TTC28: variants seen among roughly 807,000 people sequenced by gnomAD.
TTC28 encodes the protein tetratricopeptide repeat protein 28.
Under a neutral mutation model 198.0 loss-of-function variants are expected in TTC28, and 61 were observed. That is an observed-to-expected ratio of 0.31 (90% CI 0.25 to 0.38). TTC28 has a LOEUF of 0.38. Ranked by LOEUF, TTC28 falls within the 10% of genes least tolerant of loss-of-function variation. The pLI is 1.00. For missense variants in TTC28, 2,678 were observed against 3,164.0 expected, an observed-to-expected ratio of 0.85 and a Z score of 3.69; for synonymous variants, 1,171 against 1,297.8, an observed-to-expected ratio of 0.90 and a Z score of 2.10.
chr22:28,350,520 G>A (rs1445911501), intron 2 of TTC28, among the ~76,000 whole-genome samples: 1 of 152,092 alleles, frequency 6.6e-6, no homozygotes, highest in Admixed American at 6.5e-5. Flanking sequence ...TCTAGTTTAG[G>A]TTACACTAGA....
intron 2 of TTC28, among the ~76,000 whole-genome samples, chr22:28,596,107 A>T (rs1016399942): frequency 6.6e-6 from 1 of 152,224 alleles, no homozygotes; most frequent in Non-Finnish European, 1.5e-5. Context: ...TGATGTGACT[A>T]AAGATGGCTA....
At chr22:28,255,107 G>A (rs1930806080) in intron 5 of TTC28, among the ~76,000 whole-genome samples, 1 of 152,098 alleles carries the variant, frequency 6.6e-6, no homozygotes, top group African/African-American at 2.4e-5. Context: ...AGAAGCAAAT[G>A]CAGAGCCATT....
chr22:28,661,870 G>T (rs1490774997), intron 1 of TTC28, among the ~76,000 whole-genome samples: 1 of 151,910 alleles, frequency 6.6e-6, no homozygotes, highest in South Asian at 2.1e-4. Flanking sequence ...GCCTCCCAAA[G>T]TTCTGGGATT....
chr22:27,993,013 G>C (rs1445873204), intron 18 of TTC28: 1 of 568,794 alleles, frequency 1.8e-6, no homozygotes, highest in African/African-American at 1.9e-5. Context: ...GTAGTGGCCA[G>C]TGTCTGCCGG....
chr22:28,474,432 G>A (rs1451383275), intron 2 of TTC28, among the ~76,000 whole-genome samples: 1 of 152,192 alleles, frequency 6.6e-6, no homozygotes, highest in Non-Finnish European at 1.5e-5. Context: ...TTAAGAAGCA[G>A]TTACACTCCC....
intron 5 of TTC28, among the ~76,000 whole-genome samples, chr22:28,187,759 T>G (rs2147118867): frequency 6.6e-6 from 1 of 152,222 alleles, no homozygotes; most frequent in East Asian, 1.9e-4. Flanking sequence ...GCTTCAGGGG[T>G]TTGGTAATAA....
intron 2 of TTC28, among the ~76,000 whole-genome samples, chr22:28,577,116 GT>G (rs1203311147): frequency 2.6e-5 from 4 of 151,946 alleles, no homozygotes; most frequent in Non-Finnish European, 5.9e-5. Flanking sequence ...TTGCCATAAA[GT>G]TTCCTCTTAT....
chr22:28,093,250 T>C (rs1941866000), intron 12 of TTC28, among the ~76,000 whole-genome samples: 1 of 152,226 alleles, frequency 6.6e-6, no homozygotes, highest in South Asian at 2.1e-4. Flanking sequence ...GCTTGGGAAT[T>C]TGGGTGAAGC....
chr22:28,652,859 G>C (rs576015234), intron 1 of TTC28, among the ~76,000 whole-genome samples: 10 of 152,192 alleles, frequency 6.6e-5, no homozygotes, highest in African/African-American at 2.2e-4. Context: ...TTGCCCAACT[G>C]ATCCCTATTG....
rs1037958323 is a variant in TTC28, at chr22:28,179,893, T to C, written c.934-16294A>G. 3.9e-5 allele frequency among the ~76,000 whole-genome samples: 6 copies of C among 152,364 alleles called. No homozygotes were observed. The South Asian group carries it at 6.2e-4, about 16-fold the overall frequency. ...GTTGACACTATCTAGTGATTCTATA[T>C]GTACCAATTAACACAGGTTTCTGGA... On this transcript the variant is annotated intron_variant, in intron 5 of 22. Transcript: ENST00000397906.
intron 2 of TTC28, among the ~76,000 whole-genome samples, chr22:28,337,116 G>T (rs1442706302): frequency 6.6e-6 from 1 of 152,164 alleles, no homozygotes; most frequent in East Asian, 1.9e-4. Context: ...TCATTCAGGA[G>T]CAGGTTGTTC....
At chr22:28,018,423 G>A (rs1268098644) in intron 13 of TTC28, among the ~76,000 whole-genome samples, 1 of 152,092 alleles carries the variant, frequency 6.6e-6, no homozygotes, top group South Asian at 2.1e-4. Flanking sequence ...ACCTGCAACC[G>A]TGATTTGAGG....
At chr22:28,387,728 T>C (rs867475348) in intron 2 of TTC28, among the ~76,000 whole-genome samples, 1 of 152,250 alleles carries the variant, frequency 6.6e-6, no homozygotes, top group African/African-American at 2.4e-5. Flanking sequence ...GAGGTCATTG[T>C]AGATTCTGGA....
intron 2 of TTC28, among the ~76,000 whole-genome samples, chr22:28,325,642 G>A (rs1327521050): frequency 3.9e-5 from 6 of 152,044 alleles, no homozygotes. Flanking sequence ...AAAACTTACT[G>A]GCTAGAAAAC....
At chr22:28,216,151 T>A (rs1927384228) in intron 5 of TTC28, among the ~76,000 whole-genome samples, 1 of 152,190 alleles carries the variant, frequency 6.6e-6, no homozygotes, top group South Asian at 2.1e-4. Context: ...AGAGAGGTAC[T>A]CAACATTTGC....
chr22:28,227,516 G>T (rs1017230801), intron 5 of TTC28, among the ~76,000 whole-genome samples: 5 of 152,088 alleles, frequency 3.3e-5, no homozygotes, highest in Non-Finnish European at 7.3e-5. Flanking sequence ...CCCAGAATAT[G>T]TAAAGAACTC....
intron 6 of TTC28, among the ~76,000 whole-genome samples, chr22:28,124,410 A>T (rs767251984): frequency 3.3e-5 from 5 of 152,184 alleles, no homozygotes; most frequent in Non-Finnish European, 5.9e-5. Context: ...CCCAGTATAT[A>T]ATAATATCCA....
chr22:28,328,458 A>T (rs931627262), intron 2 of TTC28, among the ~76,000 whole-genome samples: 4 of 151,910 alleles, frequency 2.6e-5, no homozygotes, highest in Non-Finnish European at 5.9e-5. Context: ...AAATATATAA[A>T]AATAAATAAA....
At chr22:28,141,485 G>A (rs563398561) in intron 6 of TTC28, among the ~76,000 whole-genome samples, 25 of 152,062 alleles carry the variant, frequency 1.6e-4, no homozygotes, top group Non-Finnish European at 3.4e-4. Flanking sequence ...CTCACTGAAA[G>A]GGAACAGTAA....
Sources: gnomAD v4.1 joint callset for allele counts (sites outside exome capture counted in the v4.1 genomes callset) on GRCh38, gnomAD v4.1.1 for gene constraint, MANE v1.5 for transcripts, NCBI Gene and HGNC (gene_info 2026-07-23, HGNC 2026-07-21) for gene names.